PHLPP2: variants seen among roughly 807,000 people sequenced by gnomAD.
PHLPP2 encodes the protein PH domain leucine-rich repeat-containing protein phosphatase 2.
A neutral mutation model predicts 124.9 loss-of-function variants in PHLPP2; 66 were observed. The ratio of observed to expected loss-of-function variants is 0.53; its 90% CI spans 0.43 to 0.65. The LOEUF is 0.65. PHLPP2 is among the 30% of genes least tolerant of loss of function. The pLI is 0.00. For missense variants in PHLPP2, 1,685 were observed against 1,600.4 expected, an observed-to-expected ratio of 1.05 and a Z score of -0.90; for synonymous variants, 681 against 624.7, an observed-to-expected ratio of 1.09 and a Z score of -1.34.
intron 4 of PHLPP2, 34 bp from the exon 5 acceptor site, chr16:71,684,635 T>TAAA: frequency 5.0e-6 from 6 of 1,198,006 alleles, no homozygotes; most frequent in South Asian, 1.6e-5. Context: ...CCAGAACCAC[T>TAAA]AAAAAAAAAA....
At chr16:71,697,887 G>A (rs1381835394) in intron 3 of PHLPP2, among the ~76,000 whole-genome samples, 3 of 135,602 alleles carry the variant, frequency 2.2e-5, no homozygotes, top group Middle Eastern at 4.0e-3. Context: ...TTGCTCTGTC[G>A]CCCAGGCTGG....
chr16:71,662,013 G>A (rs901817253), intron 13 of PHLPP2, among the ~76,000 whole-genome samples: 54 of 151,854 alleles, frequency 3.6e-4, no homozygotes, highest in African/African-American at 1.1e-3. Context: ...TAGTAGAGAC[G>A]GGGTTTCACC....
chr16:71,685,115 C>G (rs888589028), intron 4 of PHLPP2, among the ~76,000 whole-genome samples: 4 of 152,144 alleles, frequency 2.6e-5, no homozygotes, highest in African/African-American at 9.7e-5. Flanking sequence ...ATCACGAGGT[C>G]AGGAGTTCGA....
chr16:71,724,664 T>C lies in PHLPP2; in HGVS notation c.-342A>G, dbSNP rs2045421407. On this transcript the variant is annotated 5_prime_UTR_variant, in exon 1 of 19. Transcript: ENST00000568954. ...TGGAGTCAGCCAGCCTGTTTCCAGA[T>C]CTCCCCTCTGCCCTTCTTTAGATCT... is the stretch of plus-strand genomic sequence containing the variant. 1 of 152,290 alleles carries C rather than the reference T, an allele frequency of 6.6e-6. No individual in the cohort carries two copies. Among genetic ancestry groups the C allele is most frequent in the Admixed American group, 6.5e-5 (1 of 15,282 alleles). The allele number at this position is 152,290 out of a possible 1,614,324, so 9.4% of individuals were successfully genotyped here.
chr16:71,676,589 G>A lies in PHLPP2; in HGVS notation c.1329C>T (p.His443=), dbSNP rs759978847. 77 of 1,613,814 alleles carry A rather than the reference G, an allele frequency of 4.8e-5. No individual in the cohort carries two copies. The highest frequency in any genetic ancestry group is 2.7e-4 in the Admixed American group (16 of 60,006). ...ENLEGNKHIT[H]VDLRDNRLTD... ...TCAGTCGGTTGTCCCGCAGATCCAC[G>A]TGGGTGATGTGTTTATTTCCCTCCA... Residue 443 remains histidine, a synonymous_variant, in exon 9 of 19, where the codon CAC becomes CAT. Transcript: ENST00000568954.
rs930531181 is a variant in PHLPP2, at chr16:71,679,617, A to C, written c.891-82T>G. ...TTACAAGGGACATCAACGGCCTTTG[A>C]TATCTATTTTAAATGTCTATAATAG... is the stretch of plus-strand genomic sequence containing the variant. On this transcript the variant is annotated intron_variant, in intron 6 of 18. Transcript: ENST00000568954. 2.6e-6 allele frequency: 3 copies of C among 1,151,552 alleles called. No homozygotes were observed. The African/African-American group carries it at 4.7e-5, about 18-fold the overall frequency. The allele number at this position is 1,151,552 out of a possible 1,614,324, so 71.3% of individuals were successfully genotyped here. A position where few individuals can be genotyped will look rare whatever the true frequency, so the allele number is the denominator to read the frequency against.
chr16:71,652,856 G>C lies in PHLPP2; in HGVS notation c.2751C>G (p.Val917=). The change falls in exon 18 of 19, where the codon GTC becomes GTG. Residue 917 remains valine (V), a synonymous_variant. Transcript: ENST00000568954. ...RGGKPVPLSK[V]FSLEQDPEEA... is the part of the protein sequence containing the mutation. Reference sequence around the variant, plus strand: ...CCTCTGGGTCCTGCTCCAGGCTGAAGACTTTAGAGAGGGGCACTGGCTTCC... The same window carrying C: ...CCTCTGGGTCCTGCTCCAGGCTGAACACTTTAGAGAGGGGCACTGGCTTCC... The C allele has an allele frequency of 6.2e-7, 1 of 1,614,174 alleles. No individual in the cohort carries two copies. Among genetic ancestry groups the C allele is most frequent in the Non-Finnish European group, 8.5e-7 (1 of 1,180,032 alleles).
chr16:71,679,504 G>T lies in PHLPP2; in HGVS notation c.922C>A (p.His308Asn). The T allele has an allele frequency of 6.2e-7, 1 of 1,613,972 alleles. No individual in the cohort carries two copies. Among genetic ancestry groups the T allele is most frequent in the Non-Finnish European group, 8.5e-7 (1 of 1,179,904 alleles). ...FSQLKGLNLS[H>N]NKLGLFPILL... ...ATAGGAAACAACCCAAGTTTATTAT[G>T]GGACAAGTTCAGGCCCTTCAGTTGA... is the stretch of plus-strand genomic sequence containing the variant. The change falls in exon 7 of 19, where the codon CAT (histidine) becomes AAT (asparagine). Residue 308 changes from histidine to asparagine, a missense_variant. Transcript: ENST00000568954.
chr16:71,645,600 A>G lies in PHLPP2; in HGVS notation c.*3290T>C, dbSNP rs376762594. 3 of 153,060 alleles carry G rather than the reference A, an allele frequency of 2.0e-5. No individual in the cohort carries two copies. Among genetic ancestry groups the G allele is most frequent in the African/African-American group, 7.2e-5 (3 of 41,562 alleles). 9.5% of individuals were successfully genotyped at this position (153,060 alleles called of 1,614,324 possible). On this transcript the variant is annotated 3_prime_UTR_variant, in exon 19 of 19. Coordinates refer to ENST00000568954, the MANE Select transcript of PHLPP2 (RefSeq NM_015020.3). ...TGCTGAAGGTCTACATGGGAAGAAG[A>G]GCATCATTTGATATTCAGTAGATCT...
chr16:71,672,557 CAAT>C (rs2044904847), intron 9 of PHLPP2, among the ~76,000 whole-genome samples: 1 of 152,218 alleles, frequency 6.6e-6, no homozygotes, highest in African/African-American at 2.4e-5. Context: ...TGCCTTTATA[CAAT>C]ATTAAGCAGT....
chr16:71,660,290 C>T (rs1020388072), intron 13 of PHLPP2, among the ~76,000 whole-genome samples: 11 of 143,944 alleles, frequency 7.6e-5, no homozygotes, highest in African/African-American at 1.5e-4. Flanking sequence ...GCAGGTCAGT[C>T]GCTTGAGCCC....
intron 3 of PHLPP2, among the ~76,000 whole-genome samples, chr16:71,694,589 T>C (rs1231166947): frequency 6.6e-6 from 1 of 152,138 alleles, no homozygotes; most frequent in Non-Finnish European, 1.5e-5. Flanking sequence ...ACAAATATAG[T>C]ACCCAAAAGA....
At chr16:71,682,508 G>C (rs139157731) in intron 5 of PHLPP2, among the ~76,000 whole-genome samples, 8 of 152,030 alleles carry the variant, frequency 5.3e-5, no homozygotes, top group Non-Finnish European at 1.0e-4. Flanking sequence ...AAGATGATTC[G>C]AAATAAATGG....
intron 3 of PHLPP2, among the ~76,000 whole-genome samples, chr16:71,701,760 A>G (rs1028944904): frequency 2.9e-5 from 1 of 34,780 alleles, no homozygotes; most frequent in African/African-American, 1.3e-4. Context: ...GTCTGAAAAT[A>G]GGAAGTAAAG....
At chr16:71,661,859 C>T (rs1424031230) in intron 13 of PHLPP2, among the ~76,000 whole-genome samples, 2 of 151,838 alleles carry the variant, frequency 1.3e-5, no homozygotes, top group South Asian at 2.1e-4. Context: ...AGTCTTGCTC[C>T]GTTGCCAGGT....
intron 2 of PHLPP2, among the ~76,000 whole-genome samples, chr16:71,712,310 A>G (rs375369377): frequency 1.1e-4 from 17 of 152,318 alleles, no homozygotes; most frequent in Admixed American, 9.2e-4. Flanking sequence ...AATCAATTAT[A>G]CCTTCAAAGG....
In PHLPP2 at chr16:71,708,826, G is replaced by A. The variant is rs552526789; in HGVS notation, c.284+5686C>T. ...GAAAAATCTAGCCAGATGCAGCAGC[G>A]TGCCCCTGTAGTCCCAGCTACTCAG... On this transcript the variant is annotated intron_variant, in intron 2 of 18. Transcript: ENST00000568954. Among the ~76,000 whole-genome samples the A allele has an allele frequency of 1.2e-4, 19 of 152,090 alleles. No homozygotes were observed. The South Asian group carries it at 2.1e-3, about 17-fold the overall frequency.
At chr16:71,713,909 CT>C in intron 2 of PHLPP2, among the ~76,000 whole-genome samples, 1 of 141,518 alleles carries the variant, frequency 7.1e-6, no homozygotes, top group African/African-American at 2.6e-5. Flanking sequence ...AAATTTCATT[CT>C]ATTTACACTT....
chr16:71,722,919 T>G (rs1240751636), intron 1 of PHLPP2, among the ~76,000 whole-genome samples: 3 of 152,214 alleles, frequency 2.0e-5, no homozygotes, highest in East Asian at 1.9e-4. Flanking sequence ...CCCTACCTTG[T>G]GCATTCCTTC....
Sources: allele counts gnomAD v4.1 joint callset (sites outside exome capture counted in the v4.1 genomes callset), GRCh38; gene constraint gnomAD v4.1.1; transcripts MANE v1.5; gene names NCBI Gene and HGNC (gene_info 2026-07-23, HGNC 2026-07-21).